ATP2B3: variants seen among roughly 807,000 people sequenced by gnomAD.
ATP2B3 encodes ATPase plasma membrane Ca2+ transporting 3.
ATP2B3 carries 12 observed loss-of-function variants against 70.8 expected under a neutral mutation model. The observed-to-expected ratio is 0.17, with a 90% CI of 0.11 to 0.27. The LOEUF (loss-of-function observed/expected upper bound fraction) is 0.27, where lower values mean the gene tolerates loss of function less well. Among genes scored for constraint, ATP2B3 ranks in the 10% least tolerant of loss-of-function variants. The pLI, the probability that ATP2B3 is intolerant of heterozygous loss-of-function variation, is 1.00. For missense variants in ATP2B3, 858 were observed against 1,118.5 expected (o/e 0.77, Z 3.32); for synonymous variants, 460 against 497.8 (o/e 0.92, Z 1.01).
At chrX:153,571,930 C>T (rs1430336030) in intron 21 of ATP2B3, among the ~76,000 whole-genome samples, 4 of 112,549 alleles carry the variant, frequency 3.6e-5, no homozygotes, top group Non-Finnish European at 7.5e-5. Context: ...AAGGACATGC[C>T]CACTTCTGGA....
At chrX:153,517,896 G>T (rs1456721190) in intron 1 of ATP2B3, 21 bp downstream of exon 1, 1 of 108,816 alleles carries the variant, frequency 9.2e-6, no homozygotes, top group African/African-American at 3.3e-5. Flanking sequence ...CTCTGGGCGC[G>T]CGGGCGCCGC....
chrX:153,533,039 C>T (rs1409235442), intron 2 of ATP2B3: 1 of 111,647 alleles, frequency 9.0e-6, no homozygotes, highest in Non-Finnish European at 1.9e-5. Context: ...AGCACCCCGA[C>T]CCCACCCTGT....
In ATP2B3 at chrX:153,553,099, A is replaced by G. The variant is rs782125984; in HGVS notation, c.1888A>G (p.Met630Val). 8.3e-7 allele frequency: 1 copy of G among 1,207,783 alleles called. No homozygotes were observed. The highest frequency in any genetic ancestry group is 1.1e-6 in the Non-Finnish European group (1 of 893,227). Reference sequence around the variant, plus strand: ...CTTTCGGCCTCGGGACCGGGACGACATGGTGAGGAAGATCATCGAGCCGAT... The same window carrying G: ...CTTTCGGCCTCGGGACCGGGACGACGTGGTGAGGAAGATCATCGAGCCGAT... ...RGFRPRDRDDMVRKIIEPMAC... is the reference protein window; with the variant it reads ...RGFRPRDRDDVVRKIIEPMAC... The change falls in exon 13 of 22, where the codon ATG (methionine) becomes GTG (valine). Residue 630 changes from methionine to valine, a missense_variant. Physicochemically the swap from Met to Val is conservative, Grantham distance 21. Coordinates refer to ENST00000263519, the MANE Select transcript of ATP2B3 (RefSeq NM_001001344.3).
At chrX:153,550,413 G>T (rs896076641) in intron 12 of ATP2B3, 127 bp downstream of exon 12, 1 of 1,027,378 alleles carries the variant, frequency 9.7e-7, no homozygotes, top group Non-Finnish European at 1.3e-6. Flanking sequence ...ATGGCATTAA[G>T]CACGTTCACA....
At chrX:153,562,649 A>G (rs1295756271) in intron 20 of ATP2B3, among the ~76,000 whole-genome samples, 1 of 112,307 alleles carries the variant, frequency 8.9e-6, no homozygotes, top group Non-Finnish European at 1.9e-5. Flanking sequence ...AAGGACAGAG[A>G]GTCCCACATC....
At chrX:153,572,478 C>T (rs1446132073) in intron 21 of ATP2B3, among the ~76,000 whole-genome samples, 3 of 112,319 alleles carry the variant, frequency 2.7e-5, no homozygotes, top group African/African-American at 9.7e-5. Flanking sequence ...GCCCCTGGGG[C>T]CAATGCAGGA....
intron 21 of ATP2B3, among the ~76,000 whole-genome samples, chrX:153,572,044 A>G (rs2090796474): frequency 8.9e-6 from 1 of 112,572 alleles, no homozygotes; most frequent in Non-Finnish European, 1.9e-5. Flanking sequence ...CCAAGCAATC[A>G]CCAAGCCCAG....
chrX:153,579,856 A>C, intron 21 of ATP2B3, 122 bp from the exon 22 acceptor site: 1 of 607,571 alleles, frequency 1.6e-6, no homozygotes, highest in East Asian at 3.4e-5. Flanking sequence ...TACCAGCACC[A>C]GCCGGCCACT....
Position 153,556,127 on chromosome X carries a change from C to T in ATP2B3, c.2137C>T (p.Arg713Trp). The change falls in exon 14 of 22, where the codon CGG becomes TGG. Residue 713 changes from arginine to tryptophan, a missense_variant. Arg to Trp is a moderately radical substitution (Grantham distance 101). Coordinates refer to ENST00000263519, the MANE Select transcript of ATP2B3 (RefSeq NM_001001344.3). ...MVTGDNINTA[R>W]AIAAKCGIIQ... ...GACTGGGGACAACATCAACACGGCC[C>T]GGGCCATCGCAGCCAAATGCGGCAT... 1.6e-6 allele frequency: 2 copies of T among 1,212,499 alleles called. No homozygotes were observed. The highest frequency in any genetic ancestry group is 2.2e-6 in the Non-Finnish European group (2 of 895,667).
At chrX:153,524,612 C>G (rs892435690) in intron 2 of ATP2B3, among the ~76,000 whole-genome samples, 1 of 111,744 alleles carries the variant, frequency 8.9e-6, no homozygotes, top group East Asian at 2.8e-4. Context: ...CCAGTTGTCC[C>G]CATCTCTAGT....
In ATP2B3 at chrX:153,553,189, G is replaced by A. The variant is rs1428385982; in HGVS notation, c.1978G>A (p.Asp660Asn). The change falls in exon 13 of 22, where the codon GAC becomes AAC. Residue 660 changes from aspartate to asparagine, a missense_variant. Asp to Asn is a conservative substitution (Grantham distance 23). Around this residue, in one of 5 missense-constraint regions of ATP2B3, gnomAD observed 242 missense variants for 281.3 expected, o/e 0.86. Coordinates refer to ENST00000263519, the MANE Select transcript of ATP2B3 (RefSeq NM_001001344.3). ...YRDFSAGQEP[D>N]WDNENEVVGD... is the part of the protein sequence containing the mutation. ...GGACTTCTCTGCAGGCCAGGAGCCCGACTGGGACAACGAGAATGAGGTCGT... is the reference window on the plus strand; with the variant it reads ...GGACTTCTCTGCAGGCCAGGAGCCCAACTGGGACAACGAGAATGAGGTCGT... The A allele has an allele frequency of 2.0e-5, 24 of 1,210,027 alleles. No individual in the cohort carries two copies. Among genetic ancestry groups the A allele is most frequent in the African/African-American group, 3.5e-5 (2 of 57,216 alleles).
chrX:153,560,524 G>A, intron 18 of ATP2B3, 152 bp from the exon 19 acceptor site: 1 of 606,696 alleles, frequency 1.6e-6, no homozygotes, highest in Non-Finnish European at 2.6e-6. Context: ...CCTGGGGTGG[G>A]TGTGGCTGCC....
At chrX:153,550,427 T>G in intron 12 of ATP2B3, 141 bp downstream of exon 12, 1 of 967,433 alleles carries the variant, frequency 1.0e-6, no homozygotes, top group Non-Finnish European at 1.4e-6. Flanking sequence ...GTTCACAATA[T>G]CATGCAACCG....
intron 2 of ATP2B3, among the ~76,000 whole-genome samples, chrX:153,524,174 TC>T (rs2089998014): frequency 9.0e-6 from 1 of 111,213 alleles, no homozygotes; most frequent in South Asian, 3.8e-4. Context: ...GCTTAGAAAA[TC>T]CCTTTCGGAA....
intron 13 of ATP2B3, among the ~76,000 whole-genome samples, chrX:153,555,317 C>T (rs1470706257): frequency 9.0e-6 from 1 of 111,095 alleles, no homozygotes; most frequent in African/African-American, 3.3e-5. Context: ...CCCACTCCTG[C>T]GTGTCTACTC....
At chrX:153,569,531 G>T in intron 21 of ATP2B3, 1 of 1,144,377 alleles carries the variant, frequency 8.7e-7, no homozygotes, top group Non-Finnish European at 1.2e-6. Flanking sequence ...CCCTATCCTC[G>T]CCCAGCCCTC....
rs2090188537 is a variant in ATP2B3, at chrX:153,536,247, C to G, written c.-1C>G. Reference sequence around the variant, plus strand: ...ACTTGTGAGAAGGCCTGACAGGCAGCATGGGCGACATGGCCAATAGTTCCA... The same window carrying G: ...ACTTGTGAGAAGGCCTGACAGGCAGGATGGGCGACATGGCCAATAGTTCCA... On this transcript the variant is annotated 5_prime_UTR_variant, in exon 3 of 22. Coordinates refer to ENST00000263519, the MANE Select transcript of ATP2B3 (RefSeq NM_001001344.3). 2.5e-6 allele frequency: 3 copies of G among 1,188,317 alleles called. No homozygotes were observed. In the South Asian group the frequency reaches 5.6e-5, roughly 22 times the overall value.
chrX:153,542,023 G>T, intron 5 of ATP2B3, 97 bp downstream of exon 5: 1 of 1,008,195 alleles, frequency 9.9e-7, no homozygotes, highest in Non-Finnish European at 1.3e-6. Flanking sequence ...GGTTCTCCCC[G>T]GTGGCCTGCG....
chrX:153,559,050 A>G lies in ATP2B3; in HGVS notation c.2626-679A>G, dbSNP rs200770349. ...TCAAAACAATTTTTTAAATTGAGAT[A>G]AAAAATCACATAACAAACTTCAACA... is the stretch of plus-strand genomic sequence containing the variant. On this transcript the variant is annotated intron_variant, in intron 17 of 21. Coordinates refer to ENST00000263519, the MANE Select transcript of ATP2B3 (RefSeq NM_001001344.3). Among the ~76,000 whole-genome samples the G allele has an allele frequency of 0.016, 4 of 254 alleles. No homozygotes were observed. The Non-Finnish European group carries it at 0.36, about 23-fold the overall frequency. 0.2% of individuals were successfully genotyped at this position (254 alleles called of 115,157 possible). A position where few individuals can be genotyped will look rare whatever the true frequency, so the allele number is the denominator to read the frequency against.
Sources: gnomAD v4.1 joint callset for allele counts (sites outside exome capture counted in the v4.1 genomes callset) on GRCh38, gnomAD v4.1.1 for gene constraint, gnomAD v4.1.1 regional missense constraint, MANE v1.5 for transcripts, NCBI Gene and HGNC (gene_info 2026-07-23, HGNC 2026-07-21) for gene names.